The following GFM2 variants were observed in gnomAD, a reference collection of about 807,000 sequenced individuals.
GFM2 encodes ribosome-releasing factor 2, mitochondrial.
A neutral mutation model predicts 95.4 loss-of-function variants in GFM2; 72 were observed. That is an observed-to-expected ratio of 0.76 (90% confidence interval 0.62 to 0.92). The LOEUF is 0.92. GFM2 is among the 40% of genes least tolerant of loss of function. The pLI is 0.00. For synonymous variants in GFM2, 276 were observed against 317.5 expected (o/e 0.87, Z 1.39); for missense variants, 825 against 924.1 (o/e 0.89, Z 1.39).
At chr5:74,750,305 A>G (rs936570784) in intron 7 of GFM2, among the ~76,000 whole-genome samples, 1 of 152,236 alleles carries the variant, frequency 6.6e-6, no homozygotes, top group African/African-American at 2.4e-5. Context: ...AGAATCCATT[A>G]AACTATGGCA....
intron 12 of GFM2, among the ~76,000 whole-genome samples, chr5:74,739,268 A>G (rs1021849677): frequency 1.3e-5 from 2 of 152,108 alleles, no homozygotes; most frequent in Admixed American, 1.3e-4. Flanking sequence ...ATTCCCTCCA[A>G]TTTTTAACTT....
intron 16 of GFM2, 95 bp downstream of exon 16, chr5:74,732,927 G>GACACACACACACAC (rs67360841): frequency 1.2e-4 from 48 of 403,618 alleles, no homozygotes; most frequent in East Asian, 4.9e-4. Flanking sequence ...TAATGTTTTA[G>GACACACACACACAC]ACACACACAC....
At chr5:74,763,608 T>C in intron 2 of GFM2, 72 bp downstream of exon 2, 2 of 811,712 alleles carry the variant, frequency 2.5e-6, no homozygotes, top group South Asian at 3.2e-5. Context: ...GCTGATGAGA[T>C]ATACTGGGCA....
In GFM2 at chr5:74,728,429, A is replaced by G. The variant is rs567777157; in HGVS notation, c.1726+1831T>C. Among the ~76,000 whole-genome samples the G allele has an allele frequency of 2.6e-5, 4 of 152,308 alleles. No homozygotes were observed. The South Asian group carries it at 8.3e-4, about 32-fold the overall frequency. ...TTTATCCTCGTCATCTTTGCACTGA[A>G]TAGCCTGAGGAGTAAGAAAAGGAGG... is the stretch of plus-strand genomic sequence containing the variant. On this transcript the variant is annotated intron_variant, in intron 17 of 20. Transcript: ENST00000296805.
In GFM2 at chr5:74,738,347, T is replaced by C. The variant is rs1742934265; in HGVS notation, c.1291A>G (p.Asn431Asp). Residue 431 changes from asparagine (N) to aspartate (D), a missense_variant, in exon 14 of 21, where the codon AAC becomes GAC. Physicochemically the swap from Asn to Asp is conservative, Grantham distance 23. Coordinates refer to ENST00000296805, the MANE Select transcript of GFM2 (RefSeq NM_032380.5). ...TTAAGCCCAACAGTCAAAGCAATGTTACCAGCAGTCAATGAAGGGATTTCT... is the reference window on the plus strand; with the variant it reads ...TTAAGCCCAACAGTCAAAGCAATGTCACCAGCAGTCAATGAAGGGATTTCT... ...HVEIPSLTAG[N>D]IALTVGLKHT... 1 of 1,613,550 alleles carries C rather than the reference T, an allele frequency of 6.2e-7. No homozygotes were observed. The highest frequency in any genetic ancestry group is 8.5e-7 in the Non-Finnish European group (1 of 1,179,592).
Position 74,747,334 on chromosome 5 carries a change from AT to A in GFM2, c.608+357del, listed in dbSNP as rs1743438473. 2.6e-5 allele frequency among the ~76,000 whole-genome samples: 4 copies of A among 152,310 alleles called. No individual in the cohort carries two copies. In the South Asian group the frequency reaches 6.2e-4, roughly 24 times the overall value. The stretch of plus-strand genomic sequence containing the variant: ...TGCAGGAAACAGTTCTCTATTCTCT[AT>A]CTTTAGCGATGATGGGAAGCGCCAT... On this transcript the variant is annotated intron_variant, in intron 8 of 20. Coordinates refer to ENST00000296805, the MANE Select transcript of GFM2 (RefSeq NM_032380.5).
chr5:74,753,479 C>G (rs1253524571), intron 5 of GFM2, among the ~76,000 whole-genome samples: 1 of 152,080 alleles, frequency 6.6e-6, no homozygotes, highest in Non-Finnish European at 1.5e-5. Flanking sequence ...TGTCTATAAT[C>G]CCAGCTACTC....
At chr5:74,744,523 C>T (rs1743283066) in intron 10 of GFM2, among the ~76,000 whole-genome samples, 1 of 151,910 alleles carries the variant, frequency 6.6e-6, no homozygotes, top group African/African-American at 2.4e-5. Flanking sequence ...TATTTATTGC[C>T]ATATATACTA....
At chr5:74,758,279 A>C (rs1281399384) in intron 5 of GFM2, among the ~76,000 whole-genome samples, 1 of 152,208 alleles carries the variant, frequency 6.6e-6, no homozygotes. Context: ...TTGGTAAACT[A>C]AATCTGAATT....
At chr5:74,749,163 G>A (rs950060103) in intron 7 of GFM2, among the ~76,000 whole-genome samples, 7 of 151,390 alleles carry the variant, frequency 4.6e-5, no homozygotes, top group Non-Finnish European at 7.4e-5. Context: ...ACAAGTGCAC[G>A]CCACCACACC....
chr5:74,728,368 CTATTTAT>C (rs1397491353), intron 17 of GFM2, among the ~76,000 whole-genome samples: 3 of 152,014 alleles, frequency 2.0e-5, no homozygotes, highest in South Asian at 2.1e-4. Context: ...AATATATTTA[CTATTTAT>C]TAAGTAAAAG....
Position 74,722,377 on chromosome 5 carries a change from A to G in GFM2, c.2211+2T>C. 6.2e-7 allele frequency: 1 copy of G among 1,611,884 alleles called. No individual in the cohort carries two copies. On this transcript the variant is annotated splice_donor_variant, in intron 20 of 20. Coordinates refer to ENST00000296805, the MANE Select transcript of GFM2 (RefSeq NM_032380.5). LOFTEE classifies it high-confidence loss of function. ...TGTACTTTTCAGTTACAAAGTACCT[A>G]CCATAATTTCTGCTAAGGGAACAAA...
chr5:74,762,857 A>C (rs1394484512), intron 2 of GFM2, among the ~76,000 whole-genome samples: 1 of 152,252 alleles, frequency 6.6e-6, no homozygotes, highest in Non-Finnish European at 1.5e-5. Flanking sequence ...AGAATGGCAC[A>C]CAATTTAAAA....
At chr5:74,752,277 TTA>T (rs1374946596) in intron 5 of GFM2, among the ~76,000 whole-genome samples, 1 of 152,212 alleles carries the variant, frequency 6.6e-6, no homozygotes, top group Non-Finnish European at 1.5e-5. Context: ...CTAATTAAAT[TTA>T]TAGACAGTAA....
In GFM2 at chr5:74,766,940, G is replaced by A. The variant is rs1373287649; in HGVS notation, c.-27C>T. The A allele has an allele frequency of 1.1e-5, 2 of 177,180 alleles. No homozygotes were observed. The highest frequency in any genetic ancestry group is 2.4e-5 in the African/African-American group (1 of 42,272). The allele number at this position is 177,180 out of a possible 1,614,324, so 11.0% of individuals were successfully genotyped here. A position where few individuals can be genotyped will look rare whatever the true frequency, so the allele number is the denominator to read the frequency against. On this transcript the variant is annotated splice_region_variant and 5_prime_UTR_variant, in exon 1 of 21. Coordinates refer to ENST00000296805, the MANE Select transcript of GFM2 (RefSeq NM_032380.5). Reference sequence around the variant, plus strand: ...TCACAGCTCGGAGCAGTACTCACCTGGCATTAGGCCGCGTGCCGCAGGCCA... The same window carrying A: ...TCACAGCTCGGAGCAGTACTCACCTAGCATTAGGCCGCGTGCCGCAGGCCA...
chr5:74,723,817 T>C (rs1268715675), intron 19 of GFM2, among the ~76,000 whole-genome samples: 1 of 151,728 alleles, frequency 6.6e-6, no homozygotes, highest in Non-Finnish European at 1.5e-5. Flanking sequence ...ATATAAATCT[T>C]TCCAAGAATC....
In GFM2 at chr5:74,751,430, A is replaced by G. The variant is rs1383143948; in HGVS notation, c.368T>C (p.Ile123Thr). The change falls in exon 6 of 21, where the codon ATT becomes ACT. Residue 123 changes from isoleucine (I) to threonine (T), a missense_variant. Physicochemically the swap from Ile to Thr is moderately conservative, Grantham distance 89. Coordinates refer to ENST00000296805, the MANE Select transcript of GFM2 (RefSeq NM_032380.5). ...MAQERERGITIQSAAVTFDWK... is the reference protein window; with the variant it reads ...MAQERERGITTQSAAVTFDWK... ...ATCAAATGTAACAGCAGCTGATTGA[A>G]TAGTAATGCCTCTTTCTCGCTCTTG... The G allele has an allele frequency of 5.0e-6, 8 of 1,610,396 alleles. No homozygotes were observed. Among genetic ancestry groups the G allele is most frequent in the Non-Finnish European group, 5.1e-6 (6 of 1,176,698 alleles).
At chr5:74,750,771 ATGTG>A in intron 6 of GFM2, 104 bp from the exon 7 acceptor site, 6 of 728,830 alleles carry the variant, frequency 8.2e-6, no homozygotes, top group Non-Finnish European at 1.4e-5. Context: ...GTGTATATAT[ATGTG>A]TATATATATA....
At chr5:74,728,733 T>C (rs1194906286) in intron 17 of GFM2, among the ~76,000 whole-genome samples, 1 of 150,390 alleles carries the variant, frequency 6.6e-6, no homozygotes, top group Non-Finnish European at 1.5e-5. Flanking sequence ...AATATTCTTT[T>C]ATGTGTGGGG....
Sources: gnomAD v4.1 joint callset for allele counts (sites outside exome capture counted in the v4.1 genomes callset) on GRCh38, gnomAD v4.1.1 for gene constraint, MANE v1.5 for transcripts, NCBI Gene and HGNC (gene_info 2026-07-23, HGNC 2026-07-21) for gene names.